The following RUFY3 variants were observed in gnomAD, a reference collection of about 807,000 sequenced individuals.
RUFY3 encodes the protein RUN and FYVE domain containing 3.
RUFY3 carries 34 observed loss-of-function variants against 84.0 expected under a neutral mutation model. The observed-to-expected ratio is 0.40, with a 90% CI of 0.31 to 0.54. RUFY3 has a LOEUF of 0.54. RUFY3 is among the 20% of genes least tolerant of loss of function. The pLI is 0.39. For synonymous variants in RUFY3, 242 were observed against 252.9 expected, an observed-to-expected ratio of 0.96 and a Z score of 0.41; for missense variants, 507 against 736.8, an observed-to-expected ratio of 0.69 and a Z score of 3.61.
At chr4:70,736,868 G>T (rs1203186829) in intron 1 of RUFY3, among the ~76,000 whole-genome samples, 1 of 152,010 alleles carries the variant, frequency 6.6e-6, no homozygotes, top group African/African-American at 2.4e-5. Flanking sequence ...CACTGCGCCT[G>T]GCCTGGATGT....
intron 1 of RUFY3, among the ~76,000 whole-genome samples, chr4:70,754,265 C>G (rs1723615714): frequency 6.6e-6 from 1 of 152,098 alleles, no homozygotes; most frequent in South Asian, 2.1e-4. Context: ...GTTGGCCAGG[C>G]TGGTCTCGAA....
At chr4:70,761,770 G>A (rs1168460338) in intron 1 of RUFY3, among the ~76,000 whole-genome samples, 1 of 152,170 alleles carries the variant, frequency 6.6e-6, no homozygotes, top group Admixed American at 6.5e-5. Flanking sequence ...TTAAGTTCTA[G>A]TACTGCATTA....
chr4:70,742,762 T>A (rs967613426), intron 1 of RUFY3, among the ~76,000 whole-genome samples: 2 of 152,196 alleles, frequency 1.3e-5, no homozygotes, highest in African/African-American at 2.4e-5. Flanking sequence ...ATCTGGTCAT[T>A]ACCAAACAAA....
intron 1 of RUFY3, among the ~76,000 whole-genome samples, chr4:70,743,373 A>G (rs1721633419): frequency 6.6e-6 from 1 of 152,120 alleles, no homozygotes; most frequent in South Asian, 2.1e-4. Context: ...TGCCTGGCCT[A>G]TTATCATTAT....
intron 8 of RUFY3, among the ~76,000 whole-genome samples, chr4:70,782,392 C>T (rs528815958): frequency 6.7e-6 from 1 of 149,910 alleles, no homozygotes; most frequent in African/African-American, 2.5e-5. Context: ...TCAAGCTATT[C>T]TCCTGCCTCA....
At chr4:70,751,996 G>A (rs1196693965) in intron 1 of RUFY3, among the ~76,000 whole-genome samples, 2 of 152,094 alleles carry the variant, frequency 1.3e-5, no homozygotes, top group Non-Finnish European at 2.9e-5. Context: ...GGCCAGGCTG[G>A]TCTTGAACTC....
chr4:70,730,296 C>G (rs942757756), intron 1 of RUFY3, among the ~76,000 whole-genome samples: 1 of 152,102 alleles, frequency 6.6e-6, no homozygotes, highest in Non-Finnish European at 1.5e-5. Context: ...CACAGATGAT[C>G]AGTTGAATGC....
chr4:70,716,438 G>A lies in RUFY3; in HGVS notation c.358+11144G>A, dbSNP rs181476532. 9.9e-5 allele frequency among the ~76,000 whole-genome samples: 15 copies of A among 152,180 alleles called. No individual in the cohort carries two copies. The East Asian group carries it at 1.6e-3, about 16-fold the overall frequency. Reference sequence around the variant, plus strand: ...TGGGATTACAGACGTGAGCCGCCGCGCCCTGCCGAATCAGAAATTTTTTGT... The same window carrying A: ...TGGGATTACAGACGTGAGCCGCCGCACCCTGCCGAATCAGAAATTTTTTGT... On this transcript the variant is annotated intron_variant, in intron 1 of 11. Coordinates refer to the RUFY3 transcript ENST00000417478.
rs1037957240 is a variant in RUFY3 at position 70,793,078 on chromosome 4, T to C, written c.1338-707T>C. 5 of 985,340 alleles carry C rather than the reference T, an allele frequency of 5.1e-6. No homozygotes were observed. In the Admixed American group the frequency reaches 3.1e-4, roughly 61 times the overall value. 61.0% of individuals were successfully genotyped at this position (985,340 alleles called of 1,614,324 possible). A position where few individuals can be genotyped will look rare whatever the true frequency, so the allele number is the denominator to read the frequency against. On this transcript the variant is annotated intron_variant, in intron 12 of 17. Coordinates refer to ENST00000381006, the MANE Select transcript of RUFY3 (RefSeq NM_001037442.4). ...ATGCTTCTCTATAGGTGCAAAGTTA[T>C]AAGATATGTAGAAGAAAACATCCAT...
intron 4 of RUFY3, 141 bp from the exon 5 acceptor site, chr4:70,768,397 G>GT (rs201062322): frequency 0.041 from 25,133 of 606,368 alleles, 115 homozygotes; most frequent in South Asian, 0.094. Context: ...TCTTTTTGTA[G>GT]TTTTTTTTTT....
intron 1 of RUFY3, among the ~76,000 whole-genome samples, chr4:70,713,659 C>A (rs943015063): frequency 2.0e-5 from 3 of 152,140 alleles, no homozygotes; most frequent in Admixed American, 2.0e-4. Context: ...AAGCTGAAGT[C>A]GTTGTAGCAT....
intron 5 of RUFY3, among the ~76,000 whole-genome samples, chr4:70,773,117 T>A (rs1727263492): frequency 6.6e-6 from 1 of 152,164 alleles, no homozygotes; most frequent in African/African-American, 2.4e-5. Flanking sequence ...TAATATTACT[T>A]CCCCTTTTTT....
chr4:70,791,867 G>A (rs1730874583), intron 12 of RUFY3: 1 of 985,240 alleles, frequency 1.0e-6, no homozygotes, highest in Non-Finnish European at 1.2e-6. Context: ...TCTATTCTCA[G>A]TAACCAAGAT....
At chr4:70,766,309 A>G (rs1030580334) in intron 4 of RUFY3, among the ~76,000 whole-genome samples, 6 of 152,102 alleles carry the variant, frequency 3.9e-5, no homozygotes, top group Non-Finnish European at 7.4e-5. Context: ...CAGTGGTGCA[A>G]TCACGGCTCA....
intron 14 of RUFY3, among the ~76,000 whole-genome samples, chr4:70,796,435 A>G (rs1578250274): frequency 6.6e-6 from 1 of 152,174 alleles, no homozygotes; most frequent in East Asian, 1.9e-4. Flanking sequence ...CTCCTGTTAC[A>G]ATTTCTCAAA....
chr4:70,778,089 TG>T (rs1334131998), intron 7 of RUFY3, among the ~76,000 whole-genome samples: 7 of 152,026 alleles, frequency 4.6e-5, no homozygotes, highest in African/African-American at 1.4e-4. Context: ...AAAAATTAGC[TG>T]GATTTGGTGG....
At chr4:70,805,408 G>T (rs1732734087) in intron 17 of RUFY3, among the ~76,000 whole-genome samples, 1 of 152,132 alleles carries the variant, frequency 6.6e-6, no homozygotes, top group Non-Finnish European at 1.5e-5. Flanking sequence ...GAATCCCCCA[G>T]CATCTAATAT....
chr4:70,781,222 C>T (rs1256966785), intron 8 of RUFY3, among the ~76,000 whole-genome samples: 1 of 152,162 alleles, frequency 6.6e-6, no homozygotes, highest in Non-Finnish European at 1.5e-5. Context: ...CAGTGACTCA[C>T]ACCTGTAATC....
At chr4:70,705,331 A>C (rs1577860839) in intron 1 of RUFY3, 1 of 1,311,110 alleles carries the variant, frequency 7.6e-7, no homozygotes, top group Non-Finnish European at 9.7e-7. Context: ...CCCGCGGGGA[A>C]GGGAGCATTC....
Sources: gnomAD v4.1 joint callset for allele counts (sites outside exome capture counted in the v4.1 genomes callset) on GRCh38, gnomAD v4.1.1 for gene constraint, MANE v1.5 for transcripts, NCBI Gene and HGNC (gene_info 2026-07-23, HGNC 2026-07-21) for gene names.